TGFA: variants seen among roughly 807,000 people sequenced by gnomAD.
TGFA encodes protransforming growth factor alpha.
A neutral mutation model predicts 21.7 loss-of-function variants in TGFA; 12 were observed. The ratio of observed to expected loss-of-function variants is 0.55; its 90% CI spans 0.35 to 0.90. The LOEUF is 0.90. TGFA is among the 40% of genes least tolerant of loss of function. TGFA has a pLI of 0.01. For missense variants in TGFA, 178 were observed against 210.8 expected (o/e 0.84, Z 0.96); for synonymous variants, 79 against 88.1 (o/e 0.90, Z 0.58).
chr2:70,498,352 A>T (rs576581999), intron 2 of TGFA, among the ~76,000 whole-genome samples: 1 of 152,326 alleles, frequency 6.6e-6, no homozygotes, highest in East Asian at 1.9e-4. Context: ...CTTTCCTGGC[A>T]TGGGACTAGG....
rs1669975443 is a variant in TGFA at position 70,449,171 on chromosome 2, G to A, written c.*1688C>T. On this transcript the variant is annotated 3_prime_UTR_variant, in exon 6 of 6. Coordinates refer to ENST00000295400, the MANE Select transcript of TGFA (RefSeq NM_003236.4). ...GCCAAAAATGAAGACACGGGTCATA[G>A]AATTGTCTGAATTATAAAAAAAAAT... 6.8e-6 allele frequency: 1 copy of A among 146,004 alleles called. No individual in the cohort carries two copies. The highest frequency in any genetic ancestry group is 2.5e-5 in the African/African-American group (1 of 40,030). 9.0% of individuals were successfully genotyped at this position (146,004 alleles called of 1,614,324 possible). A position where few individuals can be genotyped will look rare whatever the true frequency, so the allele number is the denominator to read the frequency against.
intron 2 of TGFA, among the ~76,000 whole-genome samples, chr2:70,502,053 C>G (rs1371022002): frequency 6.6e-6 from 1 of 152,242 alleles, no homozygotes; most frequent in East Asian, 1.9e-4. Flanking sequence ...CTCTTCTGCC[C>G]TCCTGTGCCT....
At chr2:70,487,444 A>G (rs1671302215) in intron 2 of TGFA, among the ~76,000 whole-genome samples, 1 of 152,222 alleles carries the variant, frequency 6.6e-6, no homozygotes, top group Admixed American at 6.5e-5. Flanking sequence ...TAAACATAAA[A>G]TTCATTTGTT....
intron 2 of TGFA, among the ~76,000 whole-genome samples, chr2:70,504,471 T>TATATAC (rs1671852460): frequency 4.6e-5 from 4 of 87,178 alleles, no homozygotes; most frequent in East Asian, 6.9e-4. Context: ...TATACACACA[T>TATATAC]ACATACATAC....
chr2:70,460,991 G>C (rs1414275221), intron 3 of TGFA, among the ~76,000 whole-genome samples: 5 of 152,158 alleles, frequency 3.3e-5, no homozygotes, highest in Non-Finnish European at 5.9e-5. Flanking sequence ...AATTTAAGTA[G>C]TCCCACTACT....
chr2:70,470,347 A>T (rs1489130626), intron 2 of TGFA, among the ~76,000 whole-genome samples: 1 of 152,214 alleles, frequency 6.6e-6, no homozygotes, highest in Admixed American at 6.5e-5. Context: ...AAGCTGAGGG[A>T]CAAATCTAAC....
intron 1 of TGFA, among the ~76,000 whole-genome samples, chr2:70,552,573 A>T (rs1553506966): frequency 6.6e-6 from 1 of 152,202 alleles, no homozygotes; most frequent in East Asian, 1.9e-4. Flanking sequence ...ATCCGGTTCC[A>T]AGACTGCCTT....
chr2:70,490,854 G>T (rs782623040), intron 2 of TGFA, among the ~76,000 whole-genome samples: 1 of 152,092 alleles, frequency 6.6e-6, no homozygotes, highest in African/African-American at 2.4e-5. Flanking sequence ...CCTGGAGTCC[G>T]CTTACAAAAC....
chr2:70,480,041 T>C (rs1245274582), intron 2 of TGFA, among the ~76,000 whole-genome samples: 1 of 150,386 alleles, frequency 6.6e-6, no homozygotes, highest in African/African-American at 2.4e-5. Context: ...ACAGAGACAA[T>C]GGCCCTATTC....
chr2:70,531,523 GAA>G (rs1449506239), intron 1 of TGFA, among the ~76,000 whole-genome samples: 1 of 152,184 alleles, frequency 6.6e-6, no homozygotes, highest in African/African-American at 2.4e-5. Context: ...CATTCTTAAG[GAA>G]AAGAGTCCAC....
chr2:70,455,966 G>A (rs1426422128), intron 4 of TGFA, among the ~76,000 whole-genome samples: 3 of 152,244 alleles, frequency 2.0e-5, no homozygotes, highest in African/African-American at 7.2e-5. Context: ...CTGCAGAGAG[G>A]AAGTACTTCT....
intron 1 of TGFA, among the ~76,000 whole-genome samples, chr2:70,515,590 T>C (rs1451086343): frequency 6.6e-6 from 1 of 152,088 alleles, no homozygotes; most frequent in Admixed American, 6.6e-5. Flanking sequence ...CCCTTAAGGA[T>C]ATTGCCTCCT....
chr2:70,514,867 G>A lies in TGFA; in HGVS notation c.86C>T (p.Pro29Leu), dbSNP rs370723372. 2.7e-4 allele frequency: 442 copies of A among 1,613,834 alleles called. No individual in the cohort carries two copies. Among genetic ancestry groups the A allele is most frequent in the Admixed American group, 8.5e-4 (51 of 59,986 alleles). The stretch of plus-strand genomic sequence containing the variant: ...ACGGCAGCTGCACTCACCACTCAGC[G>A]GGGACGTGCTGTTCTCCAAGGCCTG... Reference protein sequence around the residue: ...ACQALENSTSPLSADPPVAAA... With the variant: ...ACQALENSTSLLSADPPVAAA... Residue 29 changes from proline (P) to leucine (L), a missense_variant, in exon 2 of 6, where the codon CCG becomes CTG. Coordinates refer to ENST00000295400, the MANE Select transcript of TGFA (RefSeq NM_003236.4).
intron 2 of TGFA, among the ~76,000 whole-genome samples, chr2:70,498,994 G>A (rs1159997635): frequency 6.6e-6 from 1 of 152,132 alleles, no homozygotes; most frequent in Non-Finnish European, 1.5e-5. Flanking sequence ...AATCTCTGGG[G>A]TGGGGCCAGG....
At chr2:70,537,059 C>T (rs1435087781) in intron 1 of TGFA, among the ~76,000 whole-genome samples, 9 of 148,618 alleles carry the variant, frequency 6.1e-5, no homozygotes, top group African/African-American at 2.2e-4. Context: ...GCGCTCACTT[C>T]GTGTCTCTGT....
At chr2:70,523,633 C>T (rs537007401) in intron 1 of TGFA, among the ~76,000 whole-genome samples, 26 of 152,306 alleles carry the variant, frequency 1.7e-4, no homozygotes, top group African/African-American at 5.1e-4. Context: ...GAGCTCCCTG[C>T]CTGCACCTCC....
rs868922962 is a variant in TGFA at position 70,447,933 on chromosome 2, C to G, written c.*2926G>C. On this transcript the variant is annotated 3_prime_UTR_variant, in exon 6 of 6. Coordinates refer to ENST00000295400, the MANE Select transcript of TGFA (RefSeq NM_003236.4). ...AAGCAACTGGTGACCCATGTGCCCTCGAAAACCTGGCTTGAAGATAACAGG... is the reference window on the plus strand; with the variant it reads ...AAGCAACTGGTGACCCATGTGCCCTGGAAAACCTGGCTTGAAGATAACAGG... 1 of 152,348 alleles carries G rather than the reference C, an allele frequency of 6.6e-6. No individual in the cohort carries two copies. Among genetic ancestry groups the G allele is most frequent in the Non-Finnish European group, 1.5e-5 (1 of 68,062 alleles). 9.4% of individuals were successfully genotyped at this position (152,348 alleles called of 1,614,324 possible). A position where few individuals can be genotyped will look rare whatever the true frequency, so the allele number is the denominator to read the frequency against.
intron 1 of TGFA, among the ~76,000 whole-genome samples, chr2:70,550,953 C>T (rs1256861649): frequency 6.6e-6 from 1 of 152,110 alleles, no homozygotes; most frequent in African/African-American, 2.4e-5. Flanking sequence ...TGATATTTTT[C>T]GAAGGAATGG....
intron 1 of TGFA, among the ~76,000 whole-genome samples, chr2:70,519,838 G>T (rs1157485749): frequency 6.6e-6 from 1 of 152,254 alleles, no homozygotes; most frequent in Non-Finnish European, 1.5e-5. Flanking sequence ...GGGCAGATGG[G>T]TGCCTGCACC....
Sources: allele counts gnomAD v4.1 joint callset (sites outside exome capture counted in the v4.1 genomes callset), GRCh38; gene constraint gnomAD v4.1.1; transcripts MANE v1.5; gene names NCBI Gene and HGNC (gene_info 2026-07-23, HGNC 2026-07-21).